ASTN1: variants seen among roughly 807,000 people sequenced by gnomAD.
ASTN1 encodes the protein astrotactin 1.
Under a neutral mutation model 140.7 loss-of-function variants are expected in ASTN1, and 41 were observed. That is an observed-to-expected ratio of 0.29 (90% CI 0.23 to 0.38). ASTN1 has a LOEUF of 0.38. ASTN1 is among the 10% of genes least tolerant of loss of function. ASTN1 has a pLI of 1.00. For synonymous variants in ASTN1, 640 were observed against 652.2 expected (o/e 0.98, Z 0.29); for missense variants, 1,479 against 1,678.8 (o/e 0.88, Z 2.08).
chr1:176,975,030 T>C (rs956932665), intron 8 of ASTN1, among the ~76,000 whole-genome samples: 1 of 152,176 alleles, frequency 6.6e-6, no homozygotes, highest in Non-Finnish European at 1.5e-5. Flanking sequence ...TTAAGGGTCA[T>C]CATAGAAGGC....
At chr1:177,155,296 C>A (rs1353209365) in intron 1 of ASTN1, among the ~76,000 whole-genome samples, 1 of 152,120 alleles carries the variant, frequency 6.6e-6, no homozygotes, top group Non-Finnish European at 1.5e-5. Context: ...ATATATTACA[C>A]CATACATGTG....
In ASTN1 at chr1:176,905,790, T is replaced by A. The variant is rs1235938004; in HGVS notation, c.2672-10960A>T. On this transcript the variant is annotated intron_variant, in intron 16 of 22. Transcript: ENST00000361833. ...CTGTGCCCTCTGTTTTAAAATACTC[T>A]GGTCTCTGCAGCTGCCTCTCCCAGC... Among the ~76,000 whole-genome samples the A allele has an allele frequency of 2.0e-5, 3 of 152,194 alleles. No individual in the cohort carries two copies. The East Asian group carries it at 5.8e-4, about 29-fold the overall frequency.
chr1:177,029,874 A>T (rs1676336766), intron 4 of ASTN1, 133 bp from the exon 5 acceptor site: 10 of 856,676 alleles, frequency 1.2e-5, no homozygotes, highest in Non-Finnish European at 1.8e-5. Context: ...GAAATAGCCA[A>T]GGGGGTTGGG....
chr1:177,159,134 G>C (rs1210657713), intron 1 of ASTN1, among the ~76,000 whole-genome samples: 1 of 149,854 alleles, frequency 6.7e-6, no homozygotes, highest in Non-Finnish European at 1.5e-5. Flanking sequence ...TTGAATTCAA[G>C]TCATATCAAC....
chr1:176,928,454 G>A (rs1288977879), intron 16 of ASTN1, among the ~76,000 whole-genome samples: 4 of 152,342 alleles, frequency 2.6e-5, no homozygotes, highest in Admixed American at 1.3e-4. Context: ...TGACAATCCA[G>A]GGAAATGTGG....
At chr1:176,869,404 C>T (rs1668252472) in intron 21 of ASTN1, among the ~76,000 whole-genome samples, 1 of 152,144 alleles carries the variant, frequency 6.6e-6, no homozygotes. Context: ...AGGTCTGTTT[C>T]AGTTACAATA....
intron 1 of ASTN1, among the ~76,000 whole-genome samples, chr1:177,133,522 T>C (rs1682036964): frequency 6.6e-6 from 1 of 152,202 alleles, no homozygotes; most frequent in Non-Finnish European, 1.5e-5. Flanking sequence ...TAGGTGGTGA[T>C]AGACCAAGAT....
intron 8 of ASTN1, among the ~76,000 whole-genome samples, chr1:177,001,456 A>G (rs73043503): frequency 0.027 from 4,137 of 152,320 alleles, 195 homozygotes; most frequent in African/African-American, 0.089. Flanking sequence ...CATCTCATTT[A>G]GGTTTTTAAA....
intron 8 of ASTN1, among the ~76,000 whole-genome samples, chr1:176,992,480 C>G (rs1276138843): frequency 1.3e-5 from 2 of 152,010 alleles, no homozygotes; most frequent in Non-Finnish European, 2.9e-5. Context: ...AATTCTGCTT[C>G]TAAACTCATT....
At chr1:176,978,383 A>G (rs898685386) in intron 8 of ASTN1, among the ~76,000 whole-genome samples, 3 of 152,174 alleles carry the variant, frequency 2.0e-5, no homozygotes, top group African/African-American at 7.2e-5. Context: ...AGGGAGAGGA[A>G]CCAGTAGAGA....
chr1:176,949,423 C>A, intron 11 of ASTN1, 72 bp from the exon 12 acceptor site: 1 of 1,467,422 alleles, frequency 6.8e-7, no homozygotes, highest in South Asian at 1.3e-5. Flanking sequence ...CTGAGTGTAA[C>A]CACTGACACC....
chr1:177,001,155 C>T (rs1674710441), intron 8 of ASTN1, among the ~76,000 whole-genome samples: 2 of 152,208 alleles, frequency 1.3e-5, no homozygotes, highest in African/African-American at 2.4e-5. Context: ...AAGACAAACA[C>T]ATTTCTTATT....
chr1:177,002,182 G>GA (rs1168391374), intron 8 of ASTN1, among the ~76,000 whole-genome samples: 1 of 152,240 alleles, frequency 6.6e-6, no homozygotes, highest in East Asian at 1.9e-4. Context: ...TCTCAGTGTG[G>GA]AAAACCACAC....
At chr1:177,003,722 G>A (rs901332840) in intron 8 of ASTN1, among the ~76,000 whole-genome samples, 8 of 151,874 alleles carry the variant, frequency 5.3e-5, no homozygotes, top group African/African-American at 1.9e-4. Context: ...TGAGGCAGGA[G>A]AATCGCTTGA....
chr1:177,045,528 C>T (rs527565146), intron 2 of ASTN1, among the ~76,000 whole-genome samples: 2 of 152,248 alleles, frequency 1.3e-5, no homozygotes, highest in South Asian at 4.2e-4. Flanking sequence ...TCATGGAGTC[C>T]TCCCAGGAGA....
At chr1:177,076,710 C>T (rs552964792) in intron 1 of ASTN1, among the ~76,000 whole-genome samples, 13 of 151,924 alleles carry the variant, frequency 8.6e-5, no homozygotes, top group African/African-American at 2.7e-4. Context: ...TTAGTAGAGA[C>T]GAGTGTTTCA....
rs957322780 is a variant in ASTN1 at position 176,949,063 on chromosome 1, C to T, written c.2054+122G>A. 3.7e-6 allele frequency: 5 copies of T among 1,369,748 alleles called. No homozygotes were observed. In the African/African-American group the frequency reaches 7.2e-5, roughly 20 times the overall value. 84.8% of individuals were successfully genotyped at this position (1,369,748 alleles called of 1,614,324 possible). ...CCCCCCCAAGTCCTAGAGGCTCTTTCCTCAGAGACTAAGGGATGGCCTAGG... is the reference window on the plus strand; with the variant it reads ...CCCCCCCAAGTCCTAGAGGCTCTTTTCTCAGAGACTAAGGGATGGCCTAGG... On this transcript the variant is annotated intron_variant, in intron 12 of 22. Transcript: ENST00000361833.
intron 1 of ASTN1, among the ~76,000 whole-genome samples, chr1:177,073,449 A>G (rs1435894174): frequency 6.6e-6 from 1 of 151,694 alleles, no homozygotes; most frequent in Non-Finnish European, 1.5e-5. Context: ...GAGTCCTAGC[A>G]GTTGAATATT....
chr1:176,918,468 T>C (rs1670586938), intron 16 of ASTN1, among the ~76,000 whole-genome samples: 1 of 152,144 alleles, frequency 6.6e-6, no homozygotes, highest in Non-Finnish European at 1.5e-5. Flanking sequence ...CGGCAACATG[T>C]TCCATCTCAT....
Sources: allele counts gnomAD v4.1 joint callset (sites outside exome capture counted in the v4.1 genomes callset), GRCh38; gene constraint gnomAD v4.1.1; transcripts MANE v1.5; gene names NCBI Gene and HGNC (gene_info 2026-07-23, HGNC 2026-07-21).